ADAP1: variants seen among roughly 807,000 people sequenced by gnomAD.
The protein encoded by ADAP1 is ArfGAP with dual PH domains 1, also known as arf-GAP with dual PH domain-containing protein 1.
Under a neutral mutation model 54.9 loss-of-function variants are expected in ADAP1, and 31 were observed. That is an observed-to-expected ratio of 0.56 (90% CI 0.42 to 0.76). The LOEUF (loss-of-function observed/expected upper bound fraction) is 0.76, where lower values mean the gene tolerates loss of function less well. Among genes scored for constraint, ADAP1 ranks in the 30% least tolerant of loss-of-function variants. ADAP1 has a pLI of 0.00. For synonymous variants in ADAP1, 313 were observed against 202.6 expected (o/e 1.55, Z -4.63); for missense variants, 535 against 512.4 (o/e 1.04, Z -0.42).
intron 6 of ADAP1, 74 bp from the exon 7 acceptor site, chr7:900,690 C>A (rs1307134441): frequency 1.5e-6 from 2 of 1,371,430 alleles, no homozygotes; most frequent in Non-Finnish European, 2.0e-6. Context: ...GGGCTGGGGT[C>A]CCCACAGAGG....
At chr7:935,607 G>T in intron 1 of ADAP1, 102 bp from the exon 2 acceptor site, 1 of 1,435,836 alleles carries the variant, frequency 7.0e-7, no homozygotes, top group Non-Finnish European at 9.3e-7. Flanking sequence ...GCAGTGGGGG[G>T]GGCTTCAGCG....
chr7:953,672 C>G (rs939909651), intron 1 of ADAP1, among the ~76,000 whole-genome samples: 9 of 152,218 alleles, frequency 5.9e-5, no homozygotes, highest in Admixed American at 2.6e-4. Context: ...GGCACTGGGC[C>G]CCGTTCACAG....
At chr7:954,303 C>A in intron 1 of ADAP1, 93 bp downstream of exon 1, 1 of 987,064 alleles carries the variant, frequency 1.0e-6, no homozygotes, top group South Asian at 4.5e-5. Context: ...CCGCGCTCCC[C>A]CGCCCGGTCC....
In ADAP1 at chr7:898,566, G is replaced by T. The variant is rs1020790886; in HGVS notation, c.*355C>A. 1 of 397,520 alleles carries T rather than the reference G, an allele frequency of 2.5e-6. No individual in the cohort carries two copies. Among genetic ancestry groups the T allele is most frequent in the Non-Finnish European group, 4.8e-6 (1 of 209,224 alleles). 24.6% of individuals were successfully genotyped at this position (397,520 alleles called of 1,614,324 possible). On this transcript the variant is annotated 3_prime_UTR_variant, in exon 11 of 11. Transcript: ENST00000265846. ...GGCCCCAAGCAGGGCTCTGCGCTGA[G>T]GCCTGGAAGTTCCCACAGCCGTGGT...
chr7:919,086 C>T (rs954624949), intron 4 of ADAP1, among the ~76,000 whole-genome samples: 7 of 152,170 alleles, frequency 4.6e-5, no homozygotes, highest in Non-Finnish European at 5.9e-5. Context: ...TCCACAGCCC[C>T]GCCAGCCCAC....
At chr7:901,737 A>C in intron 6 of ADAP1, among the ~76,000 whole-genome samples, 1 of 139,048 alleles carries the variant, frequency 7.2e-6, no homozygotes. Context: ...CCACCCAACC[A>C]GCCCGAGGCC....
chr7:904,989 C>G, intron 5 of ADAP1, 71 bp downstream of exon 5: 1 of 1,369,978 alleles, frequency 7.3e-7, no homozygotes, highest in Non-Finnish European at 1.0e-6. Context: ...GCGGCCACCA[C>G]AGGCCCCAGT....
At position 898,805 on chromosome 7, in the gene ADAP1, TGCCCTGAGGAGCAGGTGGGGCCAGGTG is replaced by T; in HGVS notation, c.*89_*115del. On this transcript the variant is annotated 3_prime_UTR_variant, in exon 11 of 11. Transcript: ENST00000265846. Reference sequence around the variant, plus strand: ...CGGGCCCTACCTGGCCGCGCCGGGCTGCCCTGAGGAGCAGGTGGGGCCAGGTGGCCTCAGGACGCCAGAGCCCCCCCA... The same window carrying T: ...CGGGCCCTACCTGGCCGCGCCGGGCTGCCTCAGGACGCCAGAGCCCCCCCA... 7.0e-7 allele frequency: 1 copy of T among 1,427,064 alleles called. No individual in the cohort carries two copies. The highest frequency in any genetic ancestry group is 1.2e-5 in the South Asian group (1 of 81,206). The allele number at this position is 1,427,064 out of a possible 1,614,324, so 88.4% of individuals were successfully genotyped here. A position where few individuals can be genotyped will look rare whatever the true frequency, so the allele number is the denominator to read the frequency against.
chr7:935,585 G>C (rs1428410692), intron 1 of ADAP1, 80 bp from the exon 2 acceptor site: 1 of 1,516,088 alleles, frequency 6.6e-7, no homozygotes, highest in Admixed American at 2.1e-5. Flanking sequence ...CGAGTCAGGA[G>C]CCCCCGGCCA....
intron 4 of ADAP1, among the ~76,000 whole-genome samples, chr7:919,001 G>A (rs1260242319): frequency 6.6e-6 from 1 of 152,068 alleles, no homozygotes; most frequent in Non-Finnish European, 1.5e-5. Context: ...GGGAGACCGA[G>A]GCTGGGGTGG....
chr7:916,612 C>G (rs1347856046), intron 4 of ADAP1, among the ~76,000 whole-genome samples: 1 of 152,104 alleles, frequency 6.6e-6, no homozygotes, highest in Non-Finnish European at 1.5e-5. Flanking sequence ...CTGAGCAGGT[C>G]CAGGTGCCCG....
rs1039620935 is a variant in ADAP1, at chr7:953,761, G to A, written c.82+635C>T. Among the ~76,000 whole-genome samples the A allele has an allele frequency of 2.8e-4, 42 of 152,368 alleles. 3 individuals are homozygous for A. The highest frequency in any genetic ancestry group is 2.4e-3 in the Admixed American group (37 of 15,312). Reference sequence around the variant, plus strand: ...AGTGCCTTGAAATCCCACAGACCTGGGAACCGAGTCAGGGATGCCCGGCCG... The same window carrying A: ...AGTGCCTTGAAATCCCACAGACCTGAGAACCGAGTCAGGGATGCCCGGCCG... On this transcript the variant is annotated intron_variant, in intron 1 of 10. Coordinates refer to ENST00000265846, the MANE Select transcript of ADAP1 (RefSeq NM_006869.4).
intron 4 of ADAP1, 117 bp from the exon 5 acceptor site, chr7:905,289 GGACACGGAC>G (rs1562911172): frequency 1.5e-5 from 7 of 470,540 alleles, no homozygotes; most frequent in African/African-American, 2.6e-5. Flanking sequence ...CACGGACGGG[GGACACGGAC>G]AGGGGGAGAC....
Position 905,054 on chromosome 7 carries a change from A to G in ADAP1, c.501+6T>C. The G allele has an allele frequency of 6.2e-7, 1 of 1,609,262 alleles. No individual in the cohort carries two copies. ...GGCCCCCACCCCACCCCCGTCTGTG[A>G]CTCACATCATTTCTGTTGAAATACT... On this transcript the variant is annotated splice_donor_region_variant and intron_variant, in intron 5 of 10. Coordinates refer to ENST00000265846, the MANE Select transcript of ADAP1 (RefSeq NM_006869.4).
chr7:905,280 A>C, intron 4 of ADAP1, 108 bp from the exon 5 acceptor site: 46 of 321,358 alleles, frequency 1.4e-4, no homozygotes, highest in African/African-American at 2.1e-4. Flanking sequence ...CACGGGGGAC[A>C]CGGACGGGGG....
intron 1 of ADAP1, among the ~76,000 whole-genome samples, chr7:952,629 G>T (rs1049942246): frequency 6.6e-6 from 1 of 152,186 alleles, no homozygotes; most frequent in Non-Finnish European, 1.5e-5. Context: ...CAAGCAGAGC[G>T]GCCGGGTGTG....
intron 6 of ADAP1, among the ~76,000 whole-genome samples, chr7:903,482 G>C (rs1844923480): frequency 6.6e-6 from 1 of 152,194 alleles, no homozygotes; most frequent in African/African-American, 2.4e-5. Context: ...GAACGATATA[G>C]CGCTTTAGAC....
chr7:941,674 C>T (rs1278025653), intron 1 of ADAP1, among the ~76,000 whole-genome samples: 3 of 152,146 alleles, frequency 2.0e-5, no homozygotes, highest in Non-Finnish European at 4.4e-5. Flanking sequence ...AAAGAGATAA[C>T]GTTTTCGTGG....
At chr7:904,892 G>A (rs947050985) in intron 5 of ADAP1, among the ~76,000 whole-genome samples, 168 bp downstream of exon 5, 1 of 152,200 alleles carries the variant, frequency 6.6e-6, no homozygotes, top group Admixed American at 6.5e-5. Flanking sequence ...GCTGGGTCCG[G>A]CACACAGAGG....
Sources: gnomAD v4.1 joint callset for allele counts (sites outside exome capture counted in the v4.1 genomes callset) on GRCh38, gnomAD v4.1.1 for gene constraint, MANE v1.5 for transcripts, NCBI Gene and HGNC (gene_info 2026-07-23, HGNC 2026-07-21) for gene names.